Variants in USP15 observed in about 807,000 individuals in gnomAD.
USP15 encodes the protein ubiquitin carboxyl-terminal hydrolase 15.
Under a neutral mutation model 127.1 loss-of-function variants are expected in USP15, and 18 were observed. That is an observed-to-expected ratio of 0.14 (90% confidence interval 0.10 to 0.21). The LOEUF is 0.21. Among genes scored for constraint, USP15 ranks in the 10% least tolerant of loss-of-function variants. The probability of loss-of-function intolerance (pLI) is 1.00; values close to 1 mark genes in which losing one functional copy is unlikely to be tolerated. For missense variants in USP15, 805 were observed against 1,159.9 expected (o/e 0.69, Z 4.44); for synonymous variants, 364 against 393.7 (o/e 0.92, Z 0.89).
At chr12:62,273,095 C>T (rs1287346609) in intron 1 of USP15, among the ~76,000 whole-genome samples, 1 of 151,978 alleles carries the variant, frequency 6.6e-6, no homozygotes, top group East Asian at 1.9e-4. Context: ...GTCATAAACT[C>T]CAACTTTATT....
intron 3 of USP15, among the ~76,000 whole-genome samples, chr12:62,305,061 G>A (rs2064440112): frequency 2.6e-5 from 4 of 151,944 alleles, no homozygotes; most frequent in Admixed American, 2.0e-4. Context: ...AAAAAGCTAA[G>A]GCATAAATGG....
chr12:62,318,380 C>T (rs2064892533), intron 4 of USP15, among the ~76,000 whole-genome samples: 4 of 152,152 alleles, frequency 2.6e-5, no homozygotes, highest in Admixed American at 2.6e-4. Context: ...ATATAGAAAT[C>T]TTCCATTTTC....
At chr12:62,388,982 A>C (rs1044327465) in intron 11 of USP15, among the ~76,000 whole-genome samples, 1 of 152,128 alleles carries the variant, frequency 6.6e-6, no homozygotes, top group Non-Finnish European at 1.5e-5. Context: ...AAAATTAGCC[A>C]GTCATGGTGT....
intron 1 of USP15, among the ~76,000 whole-genome samples, chr12:62,263,489 T>C (rs1252282693): frequency 6.6e-6 from 1 of 152,246 alleles, no homozygotes; most frequent in Non-Finnish European, 1.5e-5. Flanking sequence ...TCTGTGTAAG[T>C]ACTACAGTTT....
chr12:62,318,726 A>G (rs570650041), intron 4 of USP15, among the ~76,000 whole-genome samples: 2 of 152,262 alleles, frequency 1.3e-5, no homozygotes, highest in Admixed American at 6.5e-5. Flanking sequence ...CAAGAAGACT[A>G]TCAGATATAA....
At chr12:62,344,485 G>A (rs1460239912) in intron 6 of USP15, among the ~76,000 whole-genome samples, 2 of 152,088 alleles carry the variant, frequency 1.3e-5, no homozygotes, top group Non-Finnish European at 2.9e-5. Context: ...CTGTTTTCAT[G>A]GGCCAGCATT....
chr12:62,383,785 T>A, intron 9 of USP15, 55 bp from the exon 10 acceptor site: 1 of 1,558,516 alleles, frequency 6.4e-7, no homozygotes, highest in East Asian at 2.3e-5. Context: ...TGTACATATG[T>A]TTAAAAATCA....
At chr12:62,400,545 G>A (rs2067651496) in intron 20 of USP15, among the ~76,000 whole-genome samples, 1 of 150,896 alleles carries the variant, frequency 6.6e-6, no homozygotes, top group Non-Finnish European at 1.5e-5. Context: ...TTGGGTTCAG[G>A]GACGCAGAAC....
Position 62,416,366 on chromosome 12 carries a change from A to C in USP15, c.*11991A>C, listed in dbSNP as rs2137729789. The C allele has an allele frequency of 6.6e-6, 1 of 152,290 alleles. No individual in the cohort carries two copies. The highest frequency in any genetic ancestry group is 1.5e-5 in the Non-Finnish European group (1 of 68,026). 9.4% of individuals were successfully genotyped at this position (152,290 alleles called of 1,614,324 possible). The stretch of plus-strand genomic sequence containing the variant: ...CATAGTATTTGTTCCTAAATGTAAA[A>C]GTTATTAAACAAGTTTTCTGAAAGT... On this transcript the variant is annotated 3_prime_UTR_variant, in exon 22 of 22. Transcript: ENST00000280377.
chr12:62,321,000 G>A (rs2064970824), intron 4 of USP15, among the ~76,000 whole-genome samples: 1 of 151,792 alleles, frequency 6.6e-6, no homozygotes, highest in African/African-American at 2.4e-5. Context: ...TTTTTATTGT[G>A]TCCATATATT....
intron 2 of USP15, 47 bp from the exon 3 acceptor site, chr12:62,302,743 A>C: frequency 6.4e-7 from 1 of 1,561,080 alleles, no homozygotes; most frequent in South Asian, 1.2e-5. Flanking sequence ...AATGTGTCCA[A>C]ACAAAGTATT....
At chr12:62,377,744 C>A (rs974869397) in intron 8 of USP15, among the ~76,000 whole-genome samples, 1 of 151,444 alleles carries the variant, frequency 6.6e-6, no homozygotes, top group African/African-American at 2.4e-5. Context: ...AAAAAGAAAC[C>A]GGCTTCTTTT....
At chr12:62,328,786 A>G (rs2065204110) in intron 6 of USP15, among the ~76,000 whole-genome samples, 1 of 152,208 alleles carries the variant, frequency 6.6e-6, no homozygotes, top group Non-Finnish European at 1.5e-5. Context: ...GAGTTACTGT[A>G]AAATTATACT....
At chr12:62,322,255 G>C (rs187759375) in intron 5 of USP15, among the ~76,000 whole-genome samples, 1 of 152,064 alleles carries the variant, frequency 6.6e-6, no homozygotes, top group Admixed American at 6.5e-5. Flanking sequence ...AGCCTCTTGA[G>C]TAGCTGGGAC....
At chr12:62,295,671 C>T (rs1403322273) in intron 2 of USP15, among the ~76,000 whole-genome samples, 1 of 152,154 alleles carries the variant, frequency 6.6e-6, no homozygotes, top group Non-Finnish European at 1.5e-5. Context: ...TATGAATAAT[C>T]ACATTAAATG....
chr12:62,315,618 A>AT, intron 4 of USP15, among the ~76,000 whole-genome samples: 1 of 152,220 alleles, frequency 6.6e-6, no homozygotes, highest in East Asian at 1.9e-4. Flanking sequence ...TGGTAATACC[A>AT]TTGATCTTAG....
intron 20 of USP15, among the ~76,000 whole-genome samples, chr12:62,398,884 C>T (rs2067583985): frequency 6.6e-6 from 1 of 152,140 alleles, no homozygotes; most frequent in African/African-American, 2.4e-5. Context: ...TGTTGATTGA[C>T]CTGCTTCTCC....
intron 2 of USP15, among the ~76,000 whole-genome samples, chr12:62,299,553 T>A (rs2064242846): frequency 6.6e-6 from 1 of 152,264 alleles, no homozygotes; most frequent in African/African-American, 2.4e-5. Flanking sequence ...ATTTACTTTA[T>A]GCACTCATCA....
intron 8 of USP15, among the ~76,000 whole-genome samples, chr12:62,366,734 A>T (rs1053781499): frequency 6.6e-6 from 1 of 152,088 alleles, no homozygotes; most frequent in African/African-American, 2.4e-5. Context: ...ATCAATACCT[A>T]GTTTATTGAG....
Sources: gnomAD v4.1 joint callset for allele counts (sites outside exome capture counted in the v4.1 genomes callset) on GRCh38, gnomAD v4.1.1 for gene constraint, MANE v1.5 for transcripts, NCBI Gene and HGNC (gene_info 2026-07-23, HGNC 2026-07-21) for gene names.